HIBADH: variants seen among roughly 807,000 people sequenced by gnomAD.
HIBADH encodes the protein 3-hydroxyisobutyrate dehydrogenase.
In HIBADH, 25 loss-of-function variants were observed where a neutral mutation model predicts 36.1. The observed-to-expected ratio is 0.69, with a 90% CI of 0.50 to 0.97. The LOEUF is 0.97. Ranked by LOEUF, HIBADH falls within the 50% of genes least tolerant of loss-of-function variation. The pLI is 0.00. For synonymous variants in HIBADH, 160 were observed against 149.5 expected (o/e 1.07, Z -0.51); for missense variants, 421 against 418.0 (o/e 1.01, Z -0.06).
intron 4 of HIBADH, among the ~76,000 whole-genome samples, chr7:27,614,930 G>C (rs1365992656): frequency 2.6e-5 from 4 of 152,126 alleles, no homozygotes; most frequent in Admixed American, 6.5e-5. Flanking sequence ...TAACCTAATA[G>C]GACTGATCTG....
chr7:27,585,107 A>T (rs886526295), intron 4 of HIBADH, among the ~76,000 whole-genome samples: 4 of 152,094 alleles, frequency 2.6e-5, no homozygotes, highest in African/African-American at 9.7e-5. Context: ...AGGTAAATTT[A>T]TAGACCTATA....
intron 4 of HIBADH, among the ~76,000 whole-genome samples, chr7:27,619,244 T>C (rs941141163): frequency 1.4e-4 from 21 of 152,304 alleles, no homozygotes; most frequent in Non-Finnish European, 2.4e-4. Flanking sequence ...TAATACTGCA[T>C]GCAACCGTAA....
At chr7:27,572,203 A>G (rs1186498128) in intron 4 of HIBADH, among the ~76,000 whole-genome samples, 1 of 152,128 alleles carries the variant, frequency 6.6e-6, no homozygotes, top group Non-Finnish European at 1.5e-5. Context: ...GGCTTTATTT[A>G]TTATTCTTAT....
chr7:27,620,226 G>A (rs1381060730), intron 4 of HIBADH, among the ~76,000 whole-genome samples: 1 of 152,016 alleles, frequency 6.6e-6, no homozygotes, highest in Non-Finnish European at 1.5e-5. Context: ...GTTGGGGTTG[G>A]GGGGAATCGC....
intron 7 of HIBADH, among the ~76,000 whole-genome samples, chr7:27,530,069 A>G (rs1783969233): frequency 6.6e-6 from 1 of 152,240 alleles, no homozygotes; most frequent in Admixed American, 6.5e-5. Flanking sequence ...TTAATAGACT[A>G]TGGCATAGTA....
intron 5 of HIBADH, 41 bp from the exon 6 acceptor site, chr7:27,538,458 A>G: frequency 6.4e-7 from 1 of 1,553,614 alleles, no homozygotes; most frequent in Non-Finnish European, 8.9e-7. Flanking sequence ...CTGTATTTTC[A>G]AGGTAAAACT....
intron 4 of HIBADH, among the ~76,000 whole-genome samples, chr7:27,595,580 GT>G (rs748812038): frequency 2.9e-3 from 11 of 3,842 alleles, no homozygotes; most frequent in South Asian, 8.5e-3. Context: ...ATAAGGGCAG[GT>G]GTGTGTGTGT....
In HIBADH at chr7:27,632,344, C is replaced by A; in HGVS notation, c.354G>T (p.Gly118=). The change falls in exon 3 of 8, where the codon GGG becomes GGT. Residue 118 remains glycine (G), a synonymous_variant. Coordinates refer to ENST00000265395, the MANE Select transcript of HIBADH (RefSeq NM_152740.4). Reference sequence around the variant, plus strand: ...AGGTGAGAAATACATACTTTAGAATCCCATTTGCTCCGGAATAAGCTTCTA... The same window carrying A: ...AGGTGAGAAATACATACTTTAGAATACCATTTGCTCCGGAATAAGCTTCTA... ...NAIEAYSGAN[G]ILKKVKKGSL... 6.3e-7 allele frequency: 1 copy of A among 1,594,260 alleles called. No homozygotes were observed. Among genetic ancestry groups the A allele is most frequent in the Admixed American group, 1.7e-5 (1 of 59,920 alleles).
chr7:27,551,220 C>T (rs1291870804), intron 4 of HIBADH, among the ~76,000 whole-genome samples: 6 of 152,078 alleles, frequency 3.9e-5, no homozygotes, highest in Non-Finnish European at 8.8e-5. Flanking sequence ...GCTAAGTGTA[C>T]ATGTATGAGG....
intron 2 of HIBADH, among the ~76,000 whole-genome samples, chr7:27,635,283 T>C (rs934095302): frequency 6.6e-6 from 1 of 152,170 alleles, no homozygotes; most frequent in African/African-American, 2.4e-5. Flanking sequence ...CAAACCAACC[T>C]TGTTGCCAGT....
intron 4 of HIBADH, among the ~76,000 whole-genome samples, chr7:27,566,533 T>G (rs1784551693): frequency 6.6e-6 from 1 of 152,080 alleles, no homozygotes; most frequent in Non-Finnish European, 1.5e-5. Context: ...TCTTTAATGT[T>G]TTTCTGTTTC....
intron 4 of HIBADH, among the ~76,000 whole-genome samples, chr7:27,551,484 A>T (rs1301060273): frequency 6.6e-6 from 1 of 152,246 alleles, no homozygotes; most frequent in East Asian, 1.9e-4. Flanking sequence ...CATTCAGCTT[A>T]AACATGTCGA....
intron 4 of HIBADH, among the ~76,000 whole-genome samples, chr7:27,604,440 T>C (rs1480433953): frequency 2.1e-5 from 3 of 140,802 alleles, no homozygotes; most frequent in Non-Finnish European, 4.6e-5. Context: ...TTTTTTTTTT[T>C]AATGTTGGCT....
In HIBADH at chr7:27,629,384, G is replaced by C. The variant is rs561936308; in HGVS notation, c.471C>G (p.Ala157=). ...GCTACCACTTACCACCAGAAACAGG[G>C]GCATCCATGAAAACTGCTCCCATTT... ...VEKMGAVFMD[A]PVSGGVGAAR... is the part of the protein sequence containing the mutation. Residue 157 remains alanine, a synonymous_variant, in exon 4 of 8, where the codon GCC becomes GCG. Transcript: ENST00000265395. 6.2e-7 allele frequency: 1 copy of C among 1,610,248 alleles called. No homozygotes were observed. Among genetic ancestry groups the C allele is most frequent in the African/African-American group, 1.3e-5 (1 of 74,782 alleles).
intron 4 of HIBADH, among the ~76,000 whole-genome samples, chr7:27,585,891 C>T (rs981979258): frequency 2.6e-5 from 4 of 152,002 alleles, no homozygotes; most frequent in Non-Finnish European, 5.9e-5. Flanking sequence ...GCAAAATTCT[C>T]AATTTAAGAA....
intron 4 of HIBADH, among the ~76,000 whole-genome samples, chr7:27,603,783 A>G (rs1785172634): frequency 6.6e-6 from 1 of 152,192 alleles, no homozygotes; most frequent in African/African-American, 2.4e-5. Context: ...TACATTAAAA[A>G]TAAGATATGC....
Position 27,543,107 on chromosome 7 carries a change from C to G in HIBADH, c.485-7G>C, listed in dbSNP as rs555463296. 258 of 1,613,312 alleles carry G rather than the reference C, an allele frequency of 1.6e-4. 3 individuals carry two copies. In the South Asian group the frequency reaches 2.7e-3, roughly 17 times the overall value. On this transcript the variant is annotated splice_polypyrimidine_tract_variant and splice_region_variant and intron_variant, in intron 4 of 7. Coordinates refer to ENST00000265395, the MANE Select transcript of HIBADH (RefSeq NM_152740.4). ...GATCGTGCAGCTCCTACACCTGAAT[C>G]ATTTGGGGGTAAAGGGATAGAAGCA...
intron 5 of HIBADH, 121 bp from the exon 6 acceptor site, chr7:27,538,538 T>A: frequency 1.2e-6 from 1 of 806,694 alleles, no homozygotes. Context: ...ACTGTTGATT[T>A]TCTCGAGTGC....
chr7:27,573,823 T>C (rs565208557), intron 4 of HIBADH, among the ~76,000 whole-genome samples: 19 of 152,322 alleles, frequency 1.2e-4, no homozygotes, highest in Non-Finnish European at 2.4e-4. Flanking sequence ...AAATGTGAAG[T>C]ATCTGAATAA....
Sources: gnomAD v4.1 joint callset for allele counts (sites outside exome capture counted in the v4.1 genomes callset) on GRCh38, gnomAD v4.1.1 for gene constraint, MANE v1.5 for transcripts, NCBI Gene and HGNC (gene_info 2026-07-23, HGNC 2026-07-21) for gene names.